The following MTA3 variants were observed in gnomAD, a reference collection of about 807,000 sequenced individuals.
The protein encoded by MTA3 is metastasis associated 1 family member 3, also known as metastasis-associated protein MTA3.
In MTA3, 34 loss-of-function variants were observed where a neutral mutation model predicts 83.5. The observed-to-expected ratio is 0.41, with a 90% CI of 0.31 to 0.54. MTA3 has a LOEUF of 0.54. MTA3 is among the 20% of genes least tolerant of loss of function. MTA3 has a pLI of 0.33. For missense variants in MTA3, 761 were observed against 726.4 expected (o/e 1.05, Z -0.55); for synonymous variants, 303 against 252.7 (o/e 1.20, Z -1.89).
At chr2:42,702,894 A>C (rs1665713215) in intron 11 of MTA3, 1 of 152,196 alleles carries the variant, frequency 6.6e-6, no homozygotes, top group Non-Finnish European at 1.5e-5. Context: ...CTAAGGAATT[A>C]ATGGCTCTGT....
chr2:42,579,685 G>C (rs1335705636), intron 3 of MTA3, among the ~76,000 whole-genome samples: 1 of 152,008 alleles, frequency 6.6e-6, no homozygotes, highest in Non-Finnish European at 1.5e-5. Flanking sequence ...AAGGATCTGG[G>C]CAGTGTCTTG....
chr2:42,584,423 C>T (rs1481065002), intron 3 of MTA3, among the ~76,000 whole-genome samples: 1 of 152,148 alleles, frequency 6.6e-6, no homozygotes, highest in African/African-American at 2.4e-5. Flanking sequence ...CTCTCCATGC[C>T]ATTTACTCAG....
chr2:42,664,466 C>CTTTTTTTTTT lies in MTA3; in HGVS notation c.702+4623_702+4632dup, dbSNP rs35633597. Among the ~76,000 whole-genome samples, 31 of 85,758 alleles carry CTTTTTTTTTT rather than the reference C, an allele frequency of 3.6e-4. 13 individuals carry two copies. Among genetic ancestry groups the CTTTTTTTTTT allele is most frequent in the African/African-American group, 9.5e-4 (20 of 21,052 alleles). 56.3% of individuals were successfully genotyped at this position (85,758 alleles called of 152,430 possible). A position where few individuals can be genotyped will look rare whatever the true frequency, so the allele number is the denominator to read the frequency against. On this transcript the variant is annotated intron_variant, in intron 8 of 16. Transcript: ENST00000405094. ...CCTACTACCCCCTCACCCCGCTTACCTTTTTTTTTTTTTTTTTTTTTTTTT... is the reference window on the plus strand; with the variant it reads ...CCTACTACCCCCTCACCCCGCTTACCTTTTTTTTTTTTTTTTTTTTTTTTTTTTTTTTTTT...
chr2:42,524,472 G>GTTTTTTTTTTTGTTT (rs1675578569), intron 2 of MTA3, among the ~76,000 whole-genome samples: 9 of 70,674 alleles, frequency 1.3e-4, no homozygotes, highest in African/African-American at 2.9e-4. Context: ...GGCTAGTTGT[G>GTTTTTTTTTTTGTTT]TTTTTTTTTT....
At chr2:42,688,705 G>C (rs1272058211) in intron 9 of MTA3, among the ~76,000 whole-genome samples, 1 of 150,348 alleles carries the variant, frequency 6.7e-6, no homozygotes, top group Non-Finnish European at 1.5e-5. Flanking sequence ...TCTTGCAGTA[G>C]TTATAGTCGG....
At chr2:42,595,105 C>CTTTTT (rs1681624717) in intron 3 of MTA3, among the ~76,000 whole-genome samples, 1 of 38,906 alleles carries the variant, frequency 2.6e-5, no homozygotes, top group African/African-American at 1.3e-4. Context: ...ACAGGAGCTT[C>CTTTTT]ATTTTTTTTT....
intron 6 of MTA3, 22 bp downstream of exon 6, chr2:42,644,266 C>T (rs1039207661): frequency 6.6e-7 from 1 of 1,522,588 alleles, no homozygotes; most frequent in Non-Finnish European, 9.1e-7. Flanking sequence ...TGCGTGTTTG[C>T]AGTTTTGTGA....
At chr2:42,554,967 C>A (rs113688021) in intron 2 of MTA3, among the ~76,000 whole-genome samples, 2 of 151,928 alleles carry the variant, frequency 1.3e-5, no homozygotes, top group Admixed American at 1.3e-4. Context: ...CTTGGCCAAC[C>A]TGGTGAAACC....
intron 2 of MTA3, among the ~76,000 whole-genome samples, chr2:42,537,829 T>A (rs192539076): frequency 4.6e-5 from 7 of 152,132 alleles, no homozygotes; most frequent in Admixed American, 3.3e-4. Context: ...CTTTTTAGAG[T>A]TTGTAGGAAA....
rs1269110630 is a variant in MTA3 at position 42,572,076 on chromosome 2, G to T, written c.96+1572G>T. Reference sequence around the variant, plus strand: ...GCGGATCACGGGGTCAGGAGATCGAGACCATCCTGGCTAACATAGTGAAAC... The same window carrying T: ...GCGGATCACGGGGTCAGGAGATCGATACCATCCTGGCTAACATAGTGAAAC... On this transcript the variant is annotated intron_variant, in intron 2 of 16. Coordinates refer to ENST00000405094, the MANE Select transcript of MTA3 (RefSeq NM_001330442.2). Among the ~76,000 whole-genome samples the T allele has an allele frequency of 2.0e-5, 3 of 151,982 alleles. No individual in the cohort carries two copies. The South Asian group carries it at 6.2e-4, about 32-fold the overall frequency.
chr2:42,605,680 C>T (rs1222969080), intron 3 of MTA3, among the ~76,000 whole-genome samples: 1 of 128,390 alleles, frequency 7.8e-6, no homozygotes, highest in Non-Finnish European at 1.7e-5. Context: ...CCCCCCACCT[C>T]CCTCCCGGAT....
intron 4 of MTA3, among the ~76,000 whole-genome samples, chr2:42,631,914 TCCTGA>T (rs1686714027): frequency 6.6e-6 from 1 of 152,072 alleles, no homozygotes; most frequent in African/African-American, 2.4e-5. Flanking sequence ...GGTCTTGAGC[TCCTGA>T]CCTCAGGTGA....
chr2:42,698,012 A>G (rs931428826), intron 11 of MTA3, among the ~76,000 whole-genome samples, 178 bp downstream of exon 11: 1 of 152,196 alleles, frequency 6.6e-6, no homozygotes, highest in Admixed American at 6.5e-5. Context: ...AGAAACCTCA[A>G]ATAGACTAAC....
At chr2:42,499,338 G>T (rs1282768262) in intron 2 of MTA3, among the ~76,000 whole-genome samples, 1 of 151,520 alleles carries the variant, frequency 6.6e-6, no homozygotes, top group African/African-American at 2.4e-5. Flanking sequence ...GGCTAATATT[G>T]TATTTTTAGT....
intron 2 of MTA3, among the ~76,000 whole-genome samples, chr2:42,530,491 GAA>G (rs35355311): frequency 1.4e-5 from 2 of 145,578 alleles, no homozygotes; most frequent in East Asian, 4.2e-4. Context: ...CGTCTCAAAG[GAA>G]AAAAAAAAGG....
At chr2:42,721,037 A>G (rs925269402) in intron 15 of MTA3, among the ~76,000 whole-genome samples, 10 of 151,664 alleles carry the variant, frequency 6.6e-5, no homozygotes, top group Admixed American at 2.0e-4. Context: ...GTGTGCTCCT[A>G]CTGTGGGCAA....
At chr2:42,526,059 T>C (rs1037949121) in intron 2 of MTA3, among the ~76,000 whole-genome samples, 2 of 152,098 alleles carry the variant, frequency 1.3e-5, no homozygotes, top group Non-Finnish European at 2.9e-5. Context: ...AAATGCCACC[T>C]GAAGAAACCC....
At chr2:42,636,948 T>C (rs530862616) in intron 4 of MTA3, among the ~76,000 whole-genome samples, 1 of 152,308 alleles carries the variant, frequency 6.6e-6, no homozygotes, top group South Asian at 2.1e-4. Flanking sequence ...TATACAAATA[T>C]GTACTAGCTT....
At position 42,751,558 on chromosome 2, in the gene MTA3, C is replaced by A. The variant is rs114849403; in HGVS notation, c.1760-1816C>A. On this transcript the variant is annotated intron_variant, in intron 16 of 16. Coordinates refer to ENST00000405094, the MANE Select transcript of MTA3 (RefSeq NM_001330442.2). Reference sequence around the variant, plus strand: ...AGGGCAGGTGGTAAGTACTGGGATTCTTCAGCCCAGAATACAGAGAGGTGG... The same window carrying A: ...AGGGCAGGTGGTAAGTACTGGGATTATTCAGCCCAGAATACAGAGAGGTGG... Among the ~76,000 whole-genome samples, 427 of 152,262 alleles carry A rather than the reference C, an allele frequency of 2.8e-3. 2 individuals are homozygous for A. Among genetic ancestry groups the A allele is most frequent in the African/African-American group, 9.6e-3 (401 of 41,562 alleles).
Sources: gnomAD v4.1 joint callset for allele counts (sites outside exome capture counted in the v4.1 genomes callset) on GRCh38, gnomAD v4.1.1 for gene constraint, MANE v1.5 for transcripts, NCBI Gene and HGNC (gene_info 2026-07-23, HGNC 2026-07-21) for gene names.